ACOT7: variants seen among roughly 807,000 people sequenced by gnomAD.
The protein encoded by ACOT7 is cytosolic acyl coenzyme A thioester hydrolase.
A neutral mutation model predicts 40.2 loss-of-function variants in ACOT7; 12 were observed. The observed-to-expected ratio is 0.30, with a 90% CI of 0.19 to 0.48. The LOEUF (loss-of-function observed/expected upper bound fraction) is 0.48, where lower values mean the gene tolerates loss of function less well. Among genes scored for constraint, ACOT7 ranks in the 20% least tolerant of loss-of-function variants. The pLI is 0.99. For missense variants in ACOT7, 395 were observed against 530.8 expected (o/e 0.74, Z 2.51); for synonymous variants, 228 against 219.5 (o/e 1.04, Z -0.34).
intron 6 of ACOT7, chr1:6,295,577 A>G (rs1288594820): frequency 2.6e-5 from 4 of 152,204 alleles, no homozygotes; most frequent in South Asian, 2.1e-4. Context: ...ATGAATGGAG[A>G]AAAAAAATGT....
intron 2 of ACOT7, among the ~76,000 whole-genome samples, chr1:6,343,842 C>G (rs527662841): frequency 6.6e-6 from 1 of 152,360 alleles, no homozygotes; most frequent in East Asian, 1.9e-4. Context: ...GGGGCAGAGG[C>G]CTTCCACCTC....
At chr1:6,354,703 C>T (rs1199734425) in intron 1 of ACOT7, among the ~76,000 whole-genome samples, 1 of 89,874 alleles carries the variant, frequency 1.1e-5, no homozygotes, top group Non-Finnish European at 2.1e-5. Context: ...GGCCTCTACA[C>T]TGGCCTCTAG....
chr1:6,336,606 C>T (rs1052153903), intron 3 of ACOT7, among the ~76,000 whole-genome samples: 5 of 152,240 alleles, frequency 3.3e-5, no homozygotes, highest in African/African-American at 9.6e-5. Flanking sequence ...ACAGATGTCA[C>T]GCACACAGCT....
At chr1:6,370,939 T>C (rs1362268619) in intron 1 of ACOT7, among the ~76,000 whole-genome samples, 1 of 151,776 alleles carries the variant, frequency 6.6e-6, no homozygotes, top group Non-Finnish European at 1.5e-5. Context: ...GCCTCCTGAG[T>C]AGCTGGGATT....
At chr1:6,309,792 A>G (rs998900269) in intron 6 of ACOT7, among the ~76,000 whole-genome samples, 2 of 152,238 alleles carry the variant, frequency 1.3e-5, no homozygotes, top group Non-Finnish European at 2.9e-5. Flanking sequence ...TCCCCTGGAT[A>G]TGAGAAAAAA....
intron 1 of ACOT7, among the ~76,000 whole-genome samples, chr1:6,367,403 C>T (rs761463851): frequency 1.4e-4 from 22 of 152,298 alleles, no homozygotes; most frequent in Middle Eastern, 6.8e-3. Context: ...TGGCAGGCTG[C>T]GCTTGGCTCA....
chr1:6,328,039 T>C (rs947735891), intron 4 of ACOT7, among the ~76,000 whole-genome samples: 9 of 152,202 alleles, frequency 5.9e-5, no homozygotes, highest in African/African-American at 2.2e-4. Context: ...CCCAAAGTGC[T>C]GGGATTACAG....
At chr1:6,378,899 CTTT>C (rs544506149) in intron 1 of ACOT7, among the ~76,000 whole-genome samples, 1 of 149,214 alleles carries the variant, frequency 6.7e-6, no homozygotes, top group Non-Finnish European at 1.5e-5. Context: ...TGCTCAAGGA[CTTT>C]TTTTTTTCTT....
chr1:6,273,454 G>C (rs1639093388), intron 8 of ACOT7, among the ~76,000 whole-genome samples: 1 of 152,192 alleles, frequency 6.6e-6, no homozygotes, highest in Non-Finnish European at 1.5e-5. Context: ...CTAAATGCAG[G>C]CAAAAGGAAC....
chr1:6,378,047 G>A (rs1035388410), intron 1 of ACOT7, among the ~76,000 whole-genome samples: 4 of 151,800 alleles, frequency 2.6e-5, no homozygotes, highest in African/African-American at 9.7e-5. Flanking sequence ...TCCAGCCTGG[G>A]CGACAGAGCA....
rs768262266 is a variant in ACOT7 at position 6,274,582 on chromosome 1, G to A, written c.1014+6520C>T. Among the ~76,000 whole-genome samples the A allele has an allele frequency of 2.6e-5, 4 of 152,258 alleles. No homozygotes were observed. The highest frequency in any genetic ancestry group is 2.1e-4 in the South Asian group (1 of 4,838). ...GAGGTCATAGGGCAGCAGCAGAAGCGAGGTGGGCACCATGTTCCAGAGCCT... is the reference window on the plus strand; with the variant it reads ...GAGGTCATAGGGCAGCAGCAGAAGCAAGGTGGGCACCATGTTCCAGAGCCT... On this transcript the variant is annotated intron_variant, in intron 8 of 8. Transcript: ENST00000361521. This position sits in a 1 kb window ranked among gnomAD's most constrained non-coding sequence, Gnocchi z 5.9.
chr1:6,286,647 G>A (rs1194142780), intron 7 of ACOT7, among the ~76,000 whole-genome samples: 1 of 152,198 alleles, frequency 6.6e-6, no homozygotes, highest in African/African-American at 2.4e-5. Flanking sequence ...CCCAGCTTCA[G>A]AGAATGCAGG....
chr1:6,304,009 C>T lies in ACOT7; in HGVS notation c.713-9029G>A, dbSNP rs182926369. Among the ~76,000 whole-genome samples, 4 of 152,274 alleles carry T rather than the reference C, an allele frequency of 2.6e-5. No homozygotes were observed. In the East Asian group the frequency reaches 7.7e-4, roughly 29 times the overall value. On this transcript the variant is annotated intron_variant, in intron 6 of 8. Transcript: ENST00000361521. ...GAAAGGGTAGATGGATTTTGCATCC[C>T]AACTGCCATGGAGGCCCCAGCAAGA... is the stretch of plus-strand genomic sequence containing the variant.
chr1:6,371,597 A>G (rs1431939749), intron 1 of ACOT7, among the ~76,000 whole-genome samples: 1 of 151,030 alleles, frequency 6.6e-6, no homozygotes, highest in African/African-American at 2.4e-5. Context: ...TCCTGACCTC[A>G]AGTGATCCAC....
rs556355704 is a variant in ACOT7, at chr1:6,280,987, C to T, written c.1014+115G>A. 7 of 1,401,096 alleles carry T rather than the reference C, an allele frequency of 5.0e-6. No individual in the cohort carries two copies. In the African/African-American group the frequency reaches 1.0e-4, roughly 20 times the overall value. 86.8% of individuals were successfully genotyped at this position (1,401,096 alleles called of 1,614,324 possible). On this transcript the variant is annotated intron_variant, in intron 8 of 8. Coordinates refer to ENST00000361521, the MANE Select transcript of ACOT7 (RefSeq NM_007274.4). ...GTGGCCAGGCCCAGCCCTACTCTGACCCCTACTGACAGGACAGGACTCATG... is the reference window on the plus strand; with the variant it reads ...GTGGCCAGGCCCAGCCCTACTCTGATCCCTACTGACAGGACAGGACTCATG...
intron 6 of ACOT7, among the ~76,000 whole-genome samples, chr1:6,310,033 A>G (rs972581366): frequency 3.3e-5 from 5 of 152,214 alleles, no homozygotes; most frequent in Admixed American, 3.3e-4. Context: ...TCACAGCCTC[A>G]GGGCACCGTT....
At chr1:6,384,307 G>A (rs768202120) in intron 1 of ACOT7, among the ~76,000 whole-genome samples, 3 of 151,780 alleles carry the variant, frequency 2.0e-5, no homozygotes, top group Non-Finnish European at 4.4e-5. Context: ...GCCACAGTGA[G>A]ATACCACTGC....
At chr1:6,273,988 C>A (rs565037676) in intron 8 of ACOT7, among the ~76,000 whole-genome samples, 2 of 152,232 alleles carry the variant, frequency 1.3e-5, no homozygotes, top group Non-Finnish European at 2.9e-5. Context: ...CCGGACCTCT[C>A]TTCTTGTCCT....
chr1:6,273,548 G>A (rs1232083967), intron 8 of ACOT7, among the ~76,000 whole-genome samples: 1 of 152,244 alleles, frequency 6.6e-6, no homozygotes, highest in Non-Finnish European at 1.5e-5. Context: ...GGTGGGGGCA[G>A]GAGGGGGGCA....
Sources: gnomAD v4.1 joint callset for allele counts (sites outside exome capture counted in the v4.1 genomes callset) on GRCh38, gnomAD v4.1.1 for gene constraint, Gnocchi (gnomAD v3.1) non-coding constraint, MANE v1.5 for transcripts, NCBI Gene and HGNC (gene_info 2026-07-23, HGNC 2026-07-21) for gene names.